Variants in NTN1 observed in about 807,000 individuals in gnomAD.
The protein encoded by NTN1 is netrin-1.
In NTN1, 11 loss-of-function variants were observed where a neutral mutation model predicts 54.2. That is an observed-to-expected ratio of 0.20 (90% CI 0.13 to 0.34). The LOEUF (loss-of-function observed/expected upper bound fraction) is 0.34, where lower values mean the gene tolerates loss of function less well. Ranked by LOEUF, NTN1 falls within the 10% of genes least tolerant of loss-of-function variation. NTN1 has a pLI of 1.00. For synonymous variants in NTN1, 371 were observed against 382.0 expected (o/e 0.97, Z 0.33); for missense variants, 740 against 893.1 (o/e 0.83, Z 2.18).
At chr17:9,195,773 A>G (rs1400414255) in intron 5 of NTN1, among the ~76,000 whole-genome samples, 5 of 152,140 alleles carry the variant, frequency 3.3e-5, no homozygotes, top group African/African-American at 1.2e-4. Context: ...CTTCACAGCC[A>G]CTGAACTGGG....
intron 6 of NTN1, among the ~76,000 whole-genome samples, chr17:9,238,400 G>A (rs1906065837): frequency 6.6e-6 from 1 of 152,172 alleles, no homozygotes; most frequent in South Asian, 2.1e-4. Flanking sequence ...GTGAGGGTGG[G>A]ATCAGTGAGG....
rs574801544 is a variant in NTN1 at position 9,023,478 on chromosome 17, G to T, written c.1018+87G>T. On this transcript the variant is annotated intron_variant, in intron 2 of 6. Coordinates refer to ENST00000173229, the MANE Select transcript of NTN1 (RefSeq NM_004822.3). ...CTCGCAGCGGCGAGTTCATAGGAGC[G>T]CGGGTCGAGGGAACGGCGGGAGGCG... The T allele has an allele frequency of 2.7e-4, 356 of 1,303,194 alleles. 1 individual carries two copies. The African/African-American group carries it at 5.1e-3, about 19-fold the overall frequency. 80.7% of individuals were successfully genotyped at this position (1,303,194 alleles called of 1,614,324 possible).
chr17:9,025,258 C>A (rs891986889), intron 2 of NTN1, among the ~76,000 whole-genome samples: 2 of 152,172 alleles, frequency 1.3e-5, no homozygotes, highest in African/African-American at 4.8e-5. Flanking sequence ...ACGTAACCTG[C>A]GTTTGTTATA....
rs749010837 is a variant in NTN1, at chr17:9,135,652, G to A, written c.1019-27161G>A. Among the ~76,000 whole-genome samples, 1 of 152,170 alleles carries A rather than the reference G, an allele frequency of 6.6e-6. No homozygotes were observed. Among genetic ancestry groups the A allele is most frequent in the Non-Finnish European group, 1.5e-5 (1 of 68,036 alleles). On this transcript the variant is annotated intron_variant, in intron 2 of 6. Transcript: ENST00000173229. This position sits in a 1 kb window ranked among gnomAD's most constrained non-coding sequence, Gnocchi z 4.4. ...GGTGTGTGGAGCCTCTGCTTTTTCTGTAGAGACTGGACTCTTACTTCTTCT... is the reference window on the plus strand; with the variant it reads ...GGTGTGTGGAGCCTCTGCTTTTTCTATAGAGACTGGACTCTTACTTCTTCT...
intron 2 of NTN1, among the ~76,000 whole-genome samples, chr17:9,100,147 T>C (rs919928704): frequency 1.3e-5 from 2 of 149,668 alleles, no homozygotes; most frequent in Non-Finnish European, 3.0e-5. Flanking sequence ...ATTCGAAACA[T>C]CTTGCTTGAT....
At chr17:9,226,495 G>A (rs1905563110) in intron 6 of NTN1, among the ~76,000 whole-genome samples, 2 of 32,128 alleles carry the variant, frequency 6.2e-5, no homozygotes. Flanking sequence ...CGGTCTCGTG[G>A]GGAGGTGGTC....
At chr17:9,009,514 C>A in the NTN1 span, among the ~76,000 whole-genome samples, 8 of 152,328 alleles carry the variant, frequency 5.3e-5, no homozygotes, top group African/African-American at 1.9e-4. Flanking sequence ...CCTTTGCCAT[C>A]TTATTATGGT....
intron 5 of NTN1, among the ~76,000 whole-genome samples, chr17:9,187,767 G>A (rs1343335966): frequency 6.6e-6 from 1 of 151,918 alleles, no homozygotes; most frequent in South Asian, 2.1e-4. Context: ...GGAGGTTGAG[G>A]CTGCAGTGAG....
intron 2 of NTN1, among the ~76,000 whole-genome samples, chr17:9,094,988 C>CAAAAAAAA (rs71135941): frequency 1.1e-4 from 11 of 99,898 alleles, no homozygotes; most frequent in Non-Finnish European, 2.2e-4. Flanking sequence ...GACTCCGTCT[C>CAAAAAAAA]AAAAAAAAAA....
intron 2 of NTN1, among the ~76,000 whole-genome samples, chr17:9,079,126 C>A (rs1449528011): frequency 6.6e-6 from 1 of 152,198 alleles, no homozygotes. Context: ...CTTGATAGTA[C>A]AGGGCCCCAG....
intron 2 of NTN1, among the ~76,000 whole-genome samples, chr17:9,117,932 G>T (rs920258439): frequency 6.6e-6 from 1 of 152,132 alleles, no homozygotes; most frequent in African/African-American, 2.4e-5. Context: ...TCCCCCTCAT[G>T]TTGGAAGTGA....
chr17:9,012,585 C>T, the NTN1 span, among the ~76,000 whole-genome samples: 55 of 151,984 alleles, frequency 3.6e-4, no homozygotes, highest in African/African-American at 1.1e-3. Context: ...CGTGCCGTTC[C>T]CTCTGCCTGA....
intron 6 of NTN1, among the ~76,000 whole-genome samples, chr17:9,223,427 C>T (rs1410179172): frequency 6.6e-6 from 1 of 152,162 alleles, no homozygotes; most frequent in Non-Finnish European, 1.5e-5. Context: ...TGGCGCACAC[C>T]TGTAATCTCA....
intron 4 of NTN1, among the ~76,000 whole-genome samples, chr17:9,180,462 C>G (rs10432012): frequency 0.32 from 48,315 of 152,120 alleles, 8,591 homozygotes; most frequent in East Asian, 0.54. Context: ...CTCAGCAGAG[C>G]CAGCCTGTCT....
chr17:9,111,095 G>A (rs7213061), intron 2 of NTN1, among the ~76,000 whole-genome samples: 23 of 151,728 alleles, frequency 1.5e-4, no homozygotes, highest in Non-Finnish European at 3.1e-4. Context: ...ACGCCACCAC[G>A]CCTGGCTAAT....
At position 9,022,673 on chromosome 17, in the gene NTN1, G is replaced by A; in HGVS notation, c.300G>A (p.Lys100=). 1.9e-6 allele frequency: 3 copies of A among 1,578,134 alleles called. No homozygotes were observed. In the South Asian group the frequency reaches 3.5e-5, roughly 18 times the overall value. The change falls in exon 2 of 7, where the codon AAG becomes AAA. Residue 100 remains lysine, a synonymous_variant. Coordinates refer to ENST00000173229, the MANE Select transcript of NTN1 (RefSeq NM_004822.3). ...ACCTCTGCAACGCGTCCGACCCCAAGAAGGCGCACCCGCCCGCCTTCCTCA... is the reference window on the plus strand; with the variant it reads ...ACCTCTGCAACGCGTCCGACCCCAAAAAGGCGCACCCGCCCGCCTTCCTCA... The part of the protein sequence containing the change: ...SCHLCNASDP[K]KAHPPAFLTD...
intron 6 of NTN1, among the ~76,000 whole-genome samples, chr17:9,224,501 G>T (rs1314205479): frequency 1.3e-5 from 2 of 152,234 alleles, no homozygotes; most frequent in East Asian, 3.8e-4. Context: ...AGCAGGGACA[G>T]CGGGCTTCAG....
At chr17:9,131,804 T>C (rs887189946) in intron 2 of NTN1, among the ~76,000 whole-genome samples, 1 of 151,788 alleles carries the variant, frequency 6.6e-6, no homozygotes, top group Non-Finnish European at 1.5e-5. Flanking sequence ...GATGCTTTTT[T>C]TTATTATTAT....
At chr17:9,117,163 A>G in intron 2 of NTN1, among the ~76,000 whole-genome samples, 1 of 152,182 alleles carries the variant, frequency 6.6e-6, no homozygotes, top group East Asian at 1.9e-4. Context: ...GTCTAAGGAA[A>G]CAGCGCGTGA....
Sources: allele counts gnomAD v4.1 joint callset (sites outside exome capture counted in the v4.1 genomes callset), GRCh38; gene constraint gnomAD v4.1.1; non-coding constraint Gnocchi (gnomAD v3.1); transcripts MANE v1.5; gene names NCBI Gene and HGNC (gene_info 2026-07-23, HGNC 2026-07-21).